The following MUC17 variants were observed in gnomAD, a reference collection of about 807,000 sequenced individuals.
MUC17 encodes mucin 17, cell surface associated, also known as mucin-17.
In MUC17, 190 loss-of-function variants were observed where a neutral mutation model predicts 170.3. That is an observed-to-expected ratio of 1.12 (90% CI 0.99 to 1.26). The LOEUF (loss-of-function observed/expected upper bound fraction) is 1.26. Among genes scored for constraint, MUC17 ranks in the 50% most tolerant of loss-of-function variants. The probability of loss-of-function intolerance (pLI) is 0.00; values close to 1 mark genes in which losing one functional copy is unlikely to be tolerated. For synonymous variants in MUC17, 2,325 were observed against 2,002.5 expected (o/e 1.16, Z -4.30); for missense variants, 6,415 against 5,530.0 (o/e 1.16, Z -5.08).
chr7:101,035,993 T>G lies in MUC17; in HGVS notation c.4577T>G (p.Val1526Gly). 2 of 1,611,910 alleles carry G rather than the reference T, an allele frequency of 1.2e-6. No individual in the cohort carries two copies. Among genetic ancestry groups the G allele is most frequent in the Non-Finnish European group, 1.7e-6 (2 of 1,178,656 alleles). The change falls in exon 3 of 13, where the codon GTG (valine) becomes GGG (glycine). Residue 1526 changes from valine to glycine, a missense_variant. Transcript: ENST00000306151. The part of the protein sequence containing the change: ...LTSIPVSTTT[V>G]ASSEINSLST... ...AGTATACCTGTCAGCACCACAACAG[T>G]GGCCAGTTCTGAAATCAACAGCCTT...
In MUC17 at chr7:101,041,524, C is replaced by T; in HGVS notation, c.10108C>T (p.Pro3370Ser). ...CACAACTCCTGTTGACACCAGCACA[C>T]CTGTCACCACTTCTACTGAAGCCAG... ...LSTTPVDTST[P>S]VTTSTEASLS... Residue 3370 changes from proline to serine, a missense_variant, in exon 3 of 13, where the codon CCT (proline) becomes TCT (serine). Coordinates refer to ENST00000306151, the MANE Select transcript of MUC17 (RefSeq NM_001040105.2). The T allele has an allele frequency of 6.2e-7, 1 of 1,613,584 alleles. No individual in the cohort carries two copies. Among genetic ancestry groups the T allele is most frequent in the Non-Finnish European group, 8.5e-7 (1 of 1,179,888 alleles).
Position 101,041,442 on chromosome 7 carries a change from A to G in MUC17, c.10026A>G (p.Leu3342=). The G allele has an allele frequency of 6.2e-7, 1 of 1,614,024 alleles. No homozygotes were observed. The highest frequency in any genetic ancestry group is 8.5e-7 in the Non-Finnish European group (1 of 1,179,992). ...CTTATAGTGAAGGAAGCACTCCACT[A>G]ACAAATATGTCTTTCAGCACCACGC... The part of the protein sequence containing the change: ...TSTYSEGSTP[L]TNMSFSTTPV... The change falls in exon 3 of 13, where the codon CTA becomes CTG. Residue 3342 remains leucine (L), a synonymous_variant. Transcript: ENST00000306151.
rs750300750 is a variant in MUC17, at chr7:101,034,192, T to G, written c.2776T>G (p.Leu926Val). 3.2e-5 allele frequency: 51 copies of G among 1,586,106 alleles called. No homozygotes were observed. Among genetic ancestry groups the G allele is most frequent in the Non-Finnish European group, 4.2e-5 (49 of 1,164,834 alleles). The change falls in exon 3 of 13, where the codon TTA becomes GTA. Residue 926 changes from leucine to valine, a missense_variant. Leu to Val is a conservative substitution (Grantham distance 32). Transcript: ENST00000306151. ...AACTCCTGGGGAAGGAAGCACTCCATTAACAAGTATGCCTGACAGCACCAC... is the reference window on the plus strand; with the variant it reads ...AACTCCTGGGGAAGGAAGCACTCCAGTAACAAGTATGCCTGACAGCACCAC... ...TSTPGEGSTP[L>V]TSMPDSTTPV...
rs1478221727 is a variant in MUC17 at position 101,042,983 on chromosome 7, C to G, written c.11567C>G (p.Ser3856Cys). Residue 3856 changes from serine to cysteine, a missense_variant, in exon 3 of 13, where the codon TCC (serine) becomes TGC (cysteine). Coordinates refer to ENST00000306151, the MANE Select transcript of MUC17 (RefSeq NM_001040105.2). ...LLTSTKAGSF[S>C]IPAEVTTIRI... The stretch of plus-strand genomic sequence containing the variant: ...ACCTCTACCAAAGCCGGTTCATTCT[C>G]CATACCTGCTGAAGTCACTACCATA... The G allele has an allele frequency of 1.2e-6, 2 of 1,614,174 alleles. No homozygotes were observed. Among genetic ancestry groups the G allele is most frequent in the South Asian group, 1.1e-5 (1 of 91,074 alleles).
chr7:101,040,410 G>T lies in MUC17; in HGVS notation c.8994G>T (p.Pro2998=), dbSNP rs185678447. 3.1e-6 allele frequency: 5 copies of T among 1,604,602 alleles called. No individual in the cohort carries two copies. Among genetic ancestry groups the T allele is most frequent in the Non-Finnish European group, 4.2e-6 (5 of 1,176,560 alleles). ...CAAGTATGTCTGTCAGCACCATGCCGGTGGCCAGTTCTGAGGCTAGCACCC... is the reference window on the plus strand; with the variant it reads ...CAAGTATGTCTGTCAGCACCATGCCTGTGGCCAGTTCTGAGGCTAGCACCC... ...PLTSMSVSTM[P]VASSEASTLS... is the part of the protein sequence containing the mutation. Residue 2998 remains proline (P), a synonymous_variant, in exon 3 of 13, where the codon CCG becomes CCT. Transcript: ENST00000306151.
Position 101,041,058 on chromosome 7 carries a change from C to T in MUC17, c.9642C>T (p.Thr3214=). The change falls in exon 3 of 13, where the codon ACC becomes ACT. Residue 3214 remains threonine (T), a synonymous_variant. Coordinates refer to ENST00000306151, the MANE Select transcript of MUC17 (RefSeq NM_001040105.2). ...STTAEGTSIP[T]STPSEGMTPL... The stretch of plus-strand genomic sequence containing the variant: ...CTGCTGAAGGTACCAGCATTCCAAC[C>T]TCAACTCCTAGTGAAGGAATGACTC... The T allele has an allele frequency of 1.2e-6, 2 of 1,613,566 alleles. No homozygotes were observed. Among genetic ancestry groups the T allele is most frequent in the Non-Finnish European group, 1.7e-6 (2 of 1,179,950 alleles).
At position 101,036,841 on chromosome 7, in the gene MUC17, C is replaced by T. The variant is rs761053384; in HGVS notation, c.5425C>T (p.Pro1809Ser). The T allele has an allele frequency of 1.9e-6, 3 of 1,605,304 alleles. No homozygotes were observed. The highest frequency in any genetic ancestry group is 2.7e-5 in the African/African-American group (2 of 73,910). ...CTCGACTCTTAGTGAAGGAATGACT[C>T]CATTAACAAGCACACCTGTCAGCCA... ...PTSTLSEGMT[P>S]LTSTPVSHTL... The change falls in exon 3 of 13, where the codon CCA becomes TCA. Residue 1809 changes from proline to serine, a missense_variant. By Grantham distance (74) the Pro-to-Ser change is moderately conservative. Transcript: ENST00000306151.
Position 101,038,383 on chromosome 7 carries a change from G to A in MUC17, c.6967G>A (p.Ala2323Thr). 6 of 1,611,016 alleles carry A rather than the reference G, an allele frequency of 3.7e-6. 1 individual carries two copies. The South Asian group carries it at 4.4e-5, about 12-fold the overall frequency. ...STEASSPPPT[A>T]EGTSMPTSTS... Reference sequence around the variant, plus strand: ...TGAAGCCAGTTCACCTCCTCCCACTGCTGAAGGTACCAGCATGCCAACCTC... The same window carrying A: ...TGAAGCCAGTTCACCTCCTCCCACTACTGAAGGTACCAGCATGCCAACCTC... Residue 2323 changes from alanine to threonine, a missense_variant, in exon 3 of 13, where the codon GCT becomes ACT. Physicochemically the swap from Ala to Thr is moderately conservative, Grantham distance 58 (BLOSUM62 0). Coordinates refer to ENST00000306151, the MANE Select transcript of MUC17 (RefSeq NM_001040105.2).
chr7:101,041,408 C>A lies in MUC17; in HGVS notation c.9992C>A (p.Pro3331Gln). The A allele has an allele frequency of 6.2e-7, 1 of 1,614,130 alleles. No individual in the cohort carries two copies. The highest frequency in any genetic ancestry group is 1.1e-5 in the South Asian group (1 of 91,068). ...CCAATTGCTGACGGTACTAGCATGC[C>A]AACCTCAACTTATAGTGAAGGAAGC... ...SPPIADGTSM[P>Q]TSTYSEGSTP... The change falls in exon 3 of 13, where the codon CCA (proline) becomes CAA (glutamine). Residue 3331 changes from proline to glutamine, a missense_variant. Coordinates refer to ENST00000306151, the MANE Select transcript of MUC17 (RefSeq NM_001040105.2).
chr7:101,020,595 C>A (rs1794056869), intron 1 of MUC17, among the ~76,000 whole-genome samples: 1 of 152,102 alleles, frequency 6.6e-6, no homozygotes, highest in Admixed American at 6.5e-5. Context: ...TAGAGTCTAT[C>A]CTTACCCAGT....
chr7:101,024,877 C>T (rs11972234), intron 1 of MUC17, among the ~76,000 whole-genome samples: 10,376 of 150,992 alleles, frequency 0.069, 482 homozygotes, highest in Non-Finnish European at 0.1. Context: ...AAAAAGAAAT[C>T]GTTGACCAGG....
Position 101,057,905 on chromosome 7 carries a change from A to C in MUC17, c.13441-98A>C. 3 of 1,019,830 alleles carry C rather than the reference A, an allele frequency of 2.9e-6. No individual in the cohort carries two copies. The South Asian group carries it at 4.9e-5, about 17-fold the overall frequency. The allele number at this position is 1,019,830 out of a possible 1,614,324, so 63.2% of individuals were successfully genotyped here. A position where few individuals can be genotyped will look rare whatever the true frequency, so the allele number is the denominator to read the frequency against. On this transcript the variant is annotated intron_variant, in intron 12 of 12. Transcript: ENST00000306151. Reference sequence around the variant, plus strand: ...AAAAAAATAATAAAAAATAAAAATAATTAAACAGAACACTTCCTATCCCAA... The same window carrying C: ...AAAAAAATAATAAAAAATAAAAATACTTAAACAGAACACTTCCTATCCCAA...
Position 101,038,824 on chromosome 7 carries a change from A to C in MUC17, c.7408A>C (p.Ser2470Arg). The C allele has an allele frequency of 5.6e-6, 9 of 1,612,802 alleles. No individual in the cohort carries two copies. The Middle Eastern group carries it at 1.5e-3, about 266-fold the overall frequency. ...GCCTGTCAGCACCACGCCGGTGGTCAGTTCTGAGGCTGGCACCCTTTCCAC... is the reference window on the plus strand; with the variant it reads ...GCCTGTCAGCACCACGCCGGTGGTCCGTTCTGAGGCTGGCACCCTTTCCAC... ...SMPVSTTPVV[S>R]SEAGTLSTTP... The change falls in exon 3 of 13, where the codon AGT becomes CGT. Residue 2470 changes from serine (S) to arginine (R), a missense_variant. Physicochemically the swap from Ser to Arg is moderately radical, Grantham distance 110 (BLOSUM62 -1). Coordinates refer to ENST00000306151, the MANE Select transcript of MUC17 (RefSeq NM_001040105.2).
rs940089952 is a variant in MUC17, at chr7:101,039,961, T to C, written c.8545T>C (p.Ser2849Pro). The change falls in exon 3 of 13, where the codon TCA becomes CCA. Residue 2849 changes from serine to proline, a missense_variant. Coordinates refer to ENST00000306151, the MANE Select transcript of MUC17 (RefSeq NM_001040105.2). ...TGTGACCACTTCTACTAAAGCCAGTTCATCTCCTACAACTGCTGAAGGTAT... is the reference window on the plus strand; with the variant it reads ...TGTGACCACTTCTACTAAAGCCAGTCCATCTCCTACAACTGCTGAAGGTAT... ...TPVTTSTKAS[S>P]SPTTAEGIVV... 6.2e-7 allele frequency: 1 copy of C among 1,613,472 alleles called. No individual in the cohort carries two copies.
Position 101,040,236 on chromosome 7 carries a change from G to C in MUC17, c.8820G>C (p.Val2940=), listed in dbSNP as rs1299074819. 6.2e-7 allele frequency: 1 copy of C among 1,611,688 alleles called. No individual in the cohort carries two copies. The highest frequency in any genetic ancestry group is 1.7e-5 in the Admixed American group (1 of 59,496). The change falls in exon 3 of 13, where the codon GTG becomes GTC. Residue 2940 remains valine (V), a synonymous_variant. Transcript: ENST00000306151. The part of the protein sequence containing the change: ...LTSILVSTVP[V]AGSEASTLST... ...GTATACTTGTCAGCACCGTGCCAGT[G>C]GCCGGTTCTGAGGCTAGCACCCTTT...
intron 1 of MUC17, among the ~76,000 whole-genome samples, chr7:101,027,746 C>G (rs1277229582): frequency 1.3e-5 from 2 of 151,946 alleles, no homozygotes; most frequent in Non-Finnish European, 2.9e-5. Context: ...AAAGTTGTCC[C>G]AACACTTACT....
At position 101,038,149 on chromosome 7, in the gene MUC17, G is replaced by A. The variant is rs566889208; in HGVS notation, c.6733G>A (p.Val2245Ile). ...GGCTAGCACCCTTTCAGCAACTCCT[G>A]TTGACACCAGCACACCTGTGACCAC... ...SEASTLSATP[V>I]DTSTPVTTST... The change falls in exon 3 of 13, where the codon GTT becomes ATT. Residue 2245 changes from valine (V) to isoleucine (I), a missense_variant. By Grantham distance (29) the Val-to-Ile change is conservative (BLOSUM62 3). Transcript: ENST00000306151. 1.6e-5 allele frequency: 26 copies of A among 1,613,722 alleles called. 1 individual carries two copies. The South Asian group carries it at 2.9e-4, about 18-fold the overall frequency.
Position 101,039,019 on chromosome 7 carries a change from C to T in MUC17, c.7603C>T (p.Leu2535Phe), listed in dbSNP as rs374380111. 6.8e-6 allele frequency: 11 copies of T among 1,614,014 alleles called. No individual in the cohort carries two copies. In the African/African-American group the frequency reaches 8.0e-5, roughly 12 times the overall value. Reference sequence around the variant, plus strand: ...AGTGGCCAGTCCTGAGGCTAGCACCCTTTCAACAACTCCTGTTGACTCCAA... The same window carrying T: ...AGTGGCCAGTCCTGAGGCTAGCACCTTTTCAACAACTCCTGTTGACTCCAA... Reference protein sequence around the residue: ...TPVASPEASTLSTTPVDSNSP... With the variant: ...TPVASPEASTFSTTPVDSNSP... The change falls in exon 3 of 13, where the codon CTT becomes TTT. Residue 2535 changes from leucine to phenylalanine, a missense_variant. Physicochemically the swap from Leu to Phe is conservative, Grantham distance 22 (BLOSUM62 0). Coordinates refer to ENST00000306151, the MANE Select transcript of MUC17 (RefSeq NM_001040105.2).
chr7:101,050,503 G>A lies in MUC17; in HGVS notation c.12742G>A (p.Glu4248Lys). Residue 4248 changes from glutamate to lysine, a missense_variant, in exon 7 of 13, where the codon GAG (glutamate) becomes AAG (lysine). Glu to Lys is a moderately conservative substitution (Grantham distance 56). Coordinates refer to ENST00000306151, the MANE Select transcript of MUC17 (RefSeq NM_001040105.2). The stretch of plus-strand genomic sequence containing the variant: ...CTTCAGTCTTGGCAGTGTGGTGGTG[G>A]AGCATGACGTCCTCCTAAGAACCAA... Reference protein sequence around the residue: ...TKLRLGSVVVEHDVLLRTKYT... With the variant: ...TKLRLGSVVVKHDVLLRTKYT... 1 of 1,613,890 alleles carries A rather than the reference G, an allele frequency of 6.2e-7. No homozygotes were observed. Among genetic ancestry groups the A allele is most frequent in the Non-Finnish European group, 8.5e-7 (1 of 1,179,852 alleles).
Sources: gnomAD v4.1 joint callset for allele counts (sites outside exome capture counted in the v4.1 genomes callset) on GRCh38, gnomAD v4.1.1 for gene constraint, MANE v1.5 for transcripts, NCBI Gene and HGNC (gene_info 2026-07-23, HGNC 2026-07-21) for gene names.